LRP2: variants seen among roughly 807,000 people sequenced by gnomAD.
LRP2 encodes the protein LDL receptor related protein 2.
Under a neutral mutation model 531.0 loss-of-function variants are expected in LRP2, and 172 were observed. That is an observed-to-expected ratio of 0.32 (90% CI 0.29 to 0.37). The LOEUF (loss-of-function observed/expected upper bound fraction) is 0.37. LRP2 is among the 10% of genes least tolerant of loss of function. The pLI is 1.00. For synonymous variants in LRP2, 1,992 were observed against 2,027.6 expected, an observed-to-expected ratio of 0.98 and a Z score of 0.47; for missense variants, 5,167 against 5,868.3, an observed-to-expected ratio of 0.88 and a Z score of 3.90.
At chr2:169,307,613 C>G (rs1192924275) in intron 3 of LRP2, among the ~76,000 whole-genome samples, 1 of 152,074 alleles carries the variant, frequency 6.6e-6, no homozygotes, top group East Asian at 1.9e-4. Context: ...GCTATGTACA[C>G]AATTACGTTA....
chr2:169,284,256 CTTTTTT>C lies in LRP2; in HGVS notation c.1043-1261_1043-1256del, dbSNP rs1216987363. Among the ~76,000 whole-genome samples, 14 of 96,646 alleles carry C rather than the reference CTTTTTT, an allele frequency of 1.4e-4. 3 individuals are homozygous for C. In the East Asian group the frequency reaches 2.7e-3, roughly 19 times the overall value. The allele number at this position is 96,646 out of a possible 152,430, so 63.4% of individuals were successfully genotyped here. On this transcript the variant is annotated intron_variant, in intron 9 of 78. Transcript: ENST00000649046. ...CTTTTCTTTTCTTTTTCTTTTTTTT[CTTTTTT>C]TTTTTTTTTTTTTTTTTTTTGAGAT...
intron 6 of LRP2, among the ~76,000 whole-genome samples, chr2:169,293,497 G>A (rs1305269666): frequency 1.3e-5 from 2 of 152,106 alleles, no homozygotes; most frequent in Admixed American, 1.3e-4. Context: ...CCAACACGGT[G>A]AAACCCCATC....
intron 3 of LRP2, among the ~76,000 whole-genome samples, chr2:169,309,854 A>G (rs1684542331): frequency 6.6e-6 from 1 of 152,168 alleles, no homozygotes; most frequent in Admixed American, 6.5e-5. Flanking sequence ...TCCTATCCAT[A>G]AGCATAGAAT....
chr2:169,271,549 A>T (rs1683414000), intron 15 of LRP2: 1 of 173,666 alleles, frequency 5.8e-6, no homozygotes, highest in Non-Finnish European at 1.1e-5. Context: ...ACTGCTTAAA[A>T]ATTAGATACT....
intron 70 of LRP2, among the ~76,000 whole-genome samples, chr2:169,144,934 G>A (rs1174371928): frequency 1.3e-5 from 2 of 152,130 alleles, no homozygotes; most frequent in Admixed American, 6.5e-5. Context: ...GTTTTGGGTT[G>A]GATAGAATTG....
chr2:169,227,309 G>A (rs1689236398), intron 31 of LRP2, among the ~76,000 whole-genome samples: 1 of 152,158 alleles, frequency 6.6e-6, no homozygotes, highest in Non-Finnish European at 1.5e-5. Flanking sequence ...ATGGATGAAT[G>A]TATAAGTGAA....
At chr2:169,215,809 A>G (rs1688767938) in intron 35 of LRP2, among the ~76,000 whole-genome samples, 1 of 147,764 alleles carries the variant, frequency 6.8e-6, no homozygotes, top group African/African-American at 2.5e-5. Flanking sequence ...TCTATATACC[A>G]TATAGTATAG....
At position 169,216,441 on chromosome 2, in the gene LRP2, G is replaced by A. The variant is rs1243606177; in HGVS notation, c.5649-11C>T. Reference sequence around the variant, plus strand: ...GACCAGTACAGCTTCCTACAACCATGAAAAACACCAGCATGTAACAAAACA... The same window carrying A: ...GACCAGTACAGCTTCCTACAACCATAAAAAACACCAGCATGTAACAAAACA... On this transcript the variant is annotated splice_polypyrimidine_tract_variant and intron_variant, in intron 34 of 78. Coordinates refer to ENST00000649046, the MANE Select transcript of LRP2 (RefSeq NM_004525.3). The A allele has an allele frequency of 1.9e-6, 3 of 1,613,056 alleles. No individual in the cohort carries two copies. Among genetic ancestry groups the A allele is most frequent in the Non-Finnish European group, 1.7e-6 (2 of 1,179,328 alleles).
intron 76 of LRP2, among the ~76,000 whole-genome samples, chr2:169,136,312 C>A (rs559451673): frequency 6.6e-5 from 10 of 151,818 alleles, no homozygotes; most frequent in African/African-American, 2.2e-4. Flanking sequence ...TCCATGCCAC[C>A]CCCCCAAAAA....
chr2:169,262,951 A>T (rs1690630689), intron 16 of LRP2, among the ~76,000 whole-genome samples: 1 of 152,182 alleles, frequency 6.6e-6, no homozygotes, highest in African/African-American at 2.4e-5. Flanking sequence ...GTATATCTAC[A>T]ACTATCTGAT....
At chr2:169,328,441 T>TAAAAAAAAAAAGAAAAAA (rs1685176519) in intron 1 of LRP2, among the ~76,000 whole-genome samples, 1 of 49,140 alleles carries the variant, frequency 2.0e-5, no homozygotes, top group African/African-American at 7.4e-5. Context: ...CGGGCCGGGA[T>TAAAAAAAAAAAGAAAAAA]AAAAAAAAAA....
Position 169,288,954 on chromosome 2 carries a change from G to C in LRP2, c.1042+72C>G. The C allele has an allele frequency of 3.7e-6, 6 of 1,607,518 alleles. No individual in the cohort carries two copies. The Middle Eastern group carries it at 7.9e-4, about 211-fold the overall frequency. On this transcript the variant is annotated intron_variant, in intron 9 of 78. Transcript: ENST00000649046. ...GACTCTCCACAAGTGCAACCTCCTAGATGTCAGAGATCAGGGCACCCATCA... is the reference window on the plus strand; with the variant it reads ...GACTCTCCACAAGTGCAACCTCCTACATGTCAGAGATCAGGGCACCCATCA...
At chr2:169,223,826 A>G (rs183176830) in intron 33 of LRP2, among the ~76,000 whole-genome samples, 23 of 152,256 alleles carry the variant, frequency 1.5e-4, no homozygotes, top group African/African-American at 5.5e-4. Flanking sequence ...CACACTGCAA[A>G]TTTCCCTCTC....
chr2:169,299,662 A>C (rs2105480597), intron 4 of LRP2, among the ~76,000 whole-genome samples: 1 of 152,242 alleles, frequency 6.6e-6, no homozygotes, highest in Non-Finnish European at 1.5e-5. Context: ...GGGGTAAACA[A>C]ATGTTTATAA....
intron 29 of LRP2, 69 bp downstream of exon 29, chr2:169,235,771 T>C (rs1465848084): frequency 1.6e-6 from 2 of 1,217,304 alleles, no homozygotes; most frequent in East Asian, 4.7e-5. Context: ...TTAGCTTTTC[T>C]GATACTCGTC....
chr2:169,282,659 G>A (rs577504978), intron 10 of LRP2, among the ~76,000 whole-genome samples: 1 of 152,138 alleles, frequency 6.6e-6, no homozygotes, highest in Non-Finnish European at 1.5e-5. Flanking sequence ...TATTAATAAT[G>A]GTCACCATTA....
chr2:169,206,367 C>T lies in LRP2; in HGVS notation c.7353G>A (p.Leu2451=), dbSNP rs752136317. 1 of 1,614,116 alleles carries T rather than the reference C, an allele frequency of 6.2e-7. No individual in the cohort carries two copies. The highest frequency in any genetic ancestry group is 1.1e-5 in the South Asian group (1 of 91,080). ...CAGTTGGAGTATGGATCCCTGAAGA[C>T]AGGGTGGCATAGGAAATCTGTCCAA... The part of the protein sequence containing the change: ...SGVGQISYAT[L]SSGIHTPTVI... The change falls in exon 39 of 79, where the codon CTG becomes CTA. Residue 2451 remains leucine (L), a synonymous_variant. Transcript: ENST00000649046.
At chr2:169,195,611 C>T (rs1283940821) in intron 46 of LRP2, among the ~76,000 whole-genome samples, 4 of 152,022 alleles carry the variant, frequency 2.6e-5, no homozygotes, top group Admixed American at 6.6e-5. Flanking sequence ...ATTACTATGG[C>T]TTTTGTTACC....
intron 34 of LRP2, among the ~76,000 whole-genome samples, chr2:169,216,643 C>T (rs1425757246): frequency 6.6e-6 from 1 of 152,078 alleles, no homozygotes; most frequent in Non-Finnish European, 1.5e-5. Context: ...GGAGTAGAGG[C>T]CACTTAAAAT....
Sources: allele counts gnomAD v4.1 joint callset (sites outside exome capture counted in the v4.1 genomes callset), GRCh38; gene constraint gnomAD v4.1.1; transcripts MANE v1.5; gene names NCBI Gene and HGNC (gene_info 2026-07-23, HGNC 2026-07-21).